The following CABLES1 variants were observed in gnomAD, a reference collection of about 807,000 sequenced individuals.
The protein encoded by CABLES1 is CDK5 and ABL1 enzyme substrate 1.
A neutral mutation model predicts 57.8 loss-of-function variants in CABLES1; 36 were observed. The observed-to-expected ratio is 0.62, with a 90% CI of 0.48 to 0.82. The LOEUF (loss-of-function observed/expected upper bound fraction) is 0.82, where lower values mean the gene tolerates loss of function less well. CABLES1 is among the 40% of genes least tolerant of loss of function. The pLI, the probability that CABLES1 is intolerant of heterozygous loss-of-function variation, is 0.00. For missense variants in CABLES1, 767 were observed against 836.6 expected (o/e 0.92, Z 1.03); for synonymous variants, 374 against 363.0 (o/e 1.03, Z -0.35).
chr18:23,141,017 C>A (rs2046854856), intron 1 of CABLES1, among the ~76,000 whole-genome samples: 1 of 152,182 alleles, frequency 6.6e-6, no homozygotes, highest in African/African-American at 2.4e-5. Flanking sequence ...CAGATTTGGG[C>A]TTCTCAAATG....
At chr18:23,135,288 C>G (rs949944301), upstream of CABLES1, among the ~76,000 whole-genome samples, 1 of 152,218 alleles carries the variant, frequency 6.6e-6, no homozygotes, top group African/African-American at 2.4e-5. Flanking sequence ...ACCACCCGCT[C>G]GGCTCTCGCG....
chr18:23,246,426 C>T (rs1416110985), intron 7 of CABLES1, among the ~76,000 whole-genome samples: 1 of 151,970 alleles, frequency 6.6e-6, no homozygotes, highest in Non-Finnish European at 1.5e-5. Context: ...GAGTCTTGCT[C>T]TGTCGCCCAG....
chr18:23,137,556 T>C (rs535639362), intron 1 of CABLES1, among the ~76,000 whole-genome samples: 6 of 152,310 alleles, frequency 3.9e-5, no homozygotes, highest in African/African-American at 7.2e-5. Flanking sequence ...TTGACAAAGT[T>C]GTTTTAACTT....
intron 3 of CABLES1, among the ~76,000 whole-genome samples, chr18:23,210,111 A>G (rs2047394234): frequency 6.6e-6 from 1 of 152,174 alleles, no homozygotes; most frequent in Non-Finnish European, 1.5e-5. Flanking sequence ...TGTACCCAAG[A>G]TGCTTTGTCC....
chr18:23,164,491 A>G (rs528507088), intron 1 of CABLES1, among the ~76,000 whole-genome samples: 2 of 152,096 alleles, frequency 1.3e-5, no homozygotes, highest in Non-Finnish European at 2.9e-5. Flanking sequence ...TCAGTTACAC[A>G]GGTGGAAATG....
chr18:23,197,309 C>T (rs1452102633), intron 3 of CABLES1: 1 of 152,240 alleles, frequency 6.6e-6, no homozygotes. Flanking sequence ...TCACTTCACC[C>T]TGTGACACTG....
intron 1 of CABLES1, chr18:23,155,868 T>A: frequency 6.2e-7 from 1 of 1,613,366 alleles, no homozygotes; most frequent in African/African-American, 1.3e-5. Context: ...TAAAATGAGT[T>A]TGGAGTGGTC....
intron 4 of CABLES1, among the ~76,000 whole-genome samples, chr18:23,216,203 G>A (rs966478249): frequency 6.6e-6 from 1 of 152,206 alleles, no homozygotes; most frequent in Admixed American, 6.5e-5. Context: ...GTCTGGGGTA[G>A]GGTAGCCCTC....
chr18:23,205,033 T>A (rs921693183), intron 3 of CABLES1, among the ~76,000 whole-genome samples: 7 of 152,200 alleles, frequency 4.6e-5, no homozygotes, highest in Non-Finnish European at 7.3e-5. Context: ...GTCCTTGGTC[T>A]GCACCATTGG....
chr18:23,238,386 G>T (rs561412615), intron 7 of CABLES1, among the ~76,000 whole-genome samples: 1 of 152,186 alleles, frequency 6.6e-6, no homozygotes, highest in East Asian at 1.9e-4. Context: ...TATGCCACAC[G>T]GCGTCAGAAT....
intron 7 of CABLES1, among the ~76,000 whole-genome samples, chr18:23,244,347 G>A (rs1365460484): frequency 6.6e-6 from 1 of 152,206 alleles, no homozygotes; most frequent in Non-Finnish European, 1.5e-5. Context: ...GTTCCTCTCC[G>A]TGTGCAAACC....
At chr18:23,141,449 C>T (rs140319066) in intron 1 of CABLES1, among the ~76,000 whole-genome samples, 5 of 152,336 alleles carry the variant, frequency 3.3e-5, no homozygotes, top group South Asian at 2.1e-4. Context: ...TCAGGCAAGT[C>T]GCCAGTCTGT....
intron 1 of CABLES1, among the ~76,000 whole-genome samples, chr18:23,166,587 G>A (rs1446839599): frequency 6.6e-6 from 1 of 152,158 alleles, no homozygotes; most frequent in East Asian, 1.9e-4. Flanking sequence ...AAATAACAGA[G>A]AAATTCAAAT....
At chr18:23,256,949 C>T (rs535473669) in intron 9 of CABLES1, among the ~76,000 whole-genome samples, 9 of 152,264 alleles carry the variant, frequency 5.9e-5, no homozygotes, top group Admixed American at 2.0e-4. Context: ...AATAGAGATA[C>T]GGAGCATGAA....
Position 23,259,081 on chromosome 18 carries a change from TTGC to T in CABLES1, c.*1717_*1719del, listed in dbSNP as rs1348606401. 3.3e-5 allele frequency: 5 copies of T among 152,082 alleles called. No individual in the cohort carries two copies. Among genetic ancestry groups the T allele is most frequent in the African/African-American group, 1.2e-4 (5 of 41,362 alleles). The allele number at this position is 152,082 out of a possible 1,614,324, so 9.4% of individuals were successfully genotyped here. ...CTAGATCAACTGGTACTTAGGGCACTTGCTGTTTATAAAGCAAAATTGAGAAAA... is the reference window on the plus strand; with the variant it reads ...CTAGATCAACTGGTACTTAGGGCACTTGTTTATAAAGCAAAATTGAGAAAA... On this transcript the variant is annotated 3_prime_UTR_variant, in exon 10 of 10. Transcript: ENST00000256925.
In CABLES1 at chr18:23,248,536, TTTAA is replaced by T. The variant is rs1440580670; in HGVS notation, c.1447-4423_1447-4420del. Among the ~76,000 whole-genome samples the T allele has an allele frequency of 2.9e-4, 28 of 97,328 alleles. No individual in the cohort carries two copies. The East Asian group carries it at 4.1e-3, about 14-fold the overall frequency. The allele number at this position is 97,328 out of a possible 152,430, so 63.9% of individuals were successfully genotyped here. A position where few individuals can be genotyped will look rare whatever the true frequency, so the allele number is the denominator to read the frequency against. ...TCTTTTTTTTTTTTTTTTTTTTTTT[TTTAA>T]AAAAAGGCTGGACGTGGTGGCTCAT... On this transcript the variant is annotated intron_variant, in intron 7 of 9. Coordinates refer to ENST00000256925, the MANE Select transcript of CABLES1 (RefSeq NM_001100619.3).
At chr18:23,141,332 T>C (rs531618137) in intron 1 of CABLES1, among the ~76,000 whole-genome samples, 4 of 152,322 alleles carry the variant, frequency 2.6e-5, no homozygotes, top group African/African-American at 9.6e-5. Context: ...TTGTAATCTA[T>C]GTCTTGACTG....
At chr18:23,168,668 C>T (rs537759984) in intron 1 of CABLES1, among the ~76,000 whole-genome samples, 3 of 152,310 alleles carry the variant, frequency 2.0e-5, no homozygotes, top group East Asian at 1.9e-4. Context: ...AGCAAAGCTG[C>T]GTCCCAGGCT....
At chr18:23,174,370 G>A (rs2047105229) in intron 1 of CABLES1, among the ~76,000 whole-genome samples, 1 of 152,142 alleles carries the variant, frequency 6.6e-6, no homozygotes, top group African/African-American at 2.4e-5. Flanking sequence ...TGTGAACAGT[G>A]CTGCTGTGAA....
Sources: allele counts gnomAD v4.1 joint callset (sites outside exome capture counted in the v4.1 genomes callset), GRCh38; gene constraint gnomAD v4.1.1; transcripts MANE v1.5; gene names NCBI Gene and HGNC (gene_info 2026-07-23, HGNC 2026-07-21).